Variants in FLI1 observed in about 807,000 individuals in gnomAD.
FLI1 encodes the protein Friend leukemia integration 1 transcription factor.
A neutral mutation model predicts 53.1 loss-of-function variants in FLI1; 13 were observed. The ratio of observed to expected loss-of-function variants is 0.24; its 90% CI spans 0.16 to 0.39. FLI1 has a LOEUF of 0.39. Among genes scored for constraint, FLI1 ranks in the 10% least tolerant of loss-of-function variants. FLI1 has a pLI of 1.00. For missense variants in FLI1, 424 were observed against 600.5 expected (o/e 0.71, Z 3.07); for synonymous variants, 244 against 236.7 (o/e 1.03, Z -0.28).
chr11:128,750,107 G>A (rs746619054), intron 1 of FLI1, among the ~76,000 whole-genome samples: 4 of 152,212 alleles, frequency 2.6e-5, no homozygotes, highest in Non-Finnish European at 2.9e-5. Flanking sequence ...GCCAAAACTA[G>A]CGTGCTCCCT....
At chr11:128,757,045 TTTCTTTCTTTCTTTC>T (rs1365219760) in intron 1 of FLI1, among the ~76,000 whole-genome samples, 42 of 15,660 alleles carry the variant, frequency 2.7e-3, no homozygotes, top group African/African-American at 7.8e-3. Flanking sequence ...TAGCTAATTT[TTTCTTTCTTTCTTTC>T]TTTCTTTCTT....
chr11:128,724,914 T>C (rs1176842534), intron 1 of FLI1, among the ~76,000 whole-genome samples: 1 of 152,180 alleles, frequency 6.6e-6, no homozygotes, highest in Non-Finnish European at 1.5e-5. Flanking sequence ...TGATTAAGCC[T>C]GCAGAGAATG....
chr11:128,787,156 T>C (rs1352491153), intron 5 of FLI1, among the ~76,000 whole-genome samples: 2 of 151,946 alleles, frequency 1.3e-5, no homozygotes, highest in African/African-American at 4.8e-5. Context: ...TCCAGGAGAG[T>C]CCTAGGTGGC....
chr11:128,694,444 C>A (rs1201151352), intron 1 of FLI1, among the ~76,000 whole-genome samples, 168 bp downstream of exon 1: 1 of 113,718 alleles, frequency 8.8e-6, no homozygotes, highest in African/African-American at 3.5e-5. Flanking sequence ...GTCCTACTCG[C>A]GGGCCAGCCG....
chr11:128,784,698 A>G lies in FLI1; in HGVS notation c.655+2675A>G, dbSNP rs564753918. ...ACAAAGCTAAGCAAGCCCTCCCTCT[A>G]TCCTCCCTGCCTCCTCCCCACCTCT... is the stretch of plus-strand genomic sequence containing the variant. On this transcript the variant is annotated intron_variant, in intron 5 of 8. Transcript: ENST00000527786. Among the ~76,000 whole-genome samples, 4 of 151,384 alleles carry G rather than the reference A, an allele frequency of 2.6e-5. No individual in the cohort carries two copies. In the South Asian group the frequency reaches 8.3e-4, roughly 31 times the overall value.
intron 2 of FLI1, chr11:128,764,734 G>C (rs938492970): frequency 6.4e-7 from 1 of 1,572,438 alleles, no homozygotes; most frequent in African/African-American, 1.3e-5. Context: ...GAGCCCCATG[G>C]CCGCACGCAG....
intron 1 of FLI1, among the ~76,000 whole-genome samples, chr11:128,752,442 T>C (rs684894): frequency 0.05 from 7,652 of 152,270 alleles, 286 homozygotes; most frequent in Non-Finnish European, 0.075. Context: ...ACTAGATGCG[T>C]AATGAGCAGC....
Position 128,812,542 on chromosome 11 carries a change from G to A in FLI1, c.*1554G>A. 1 of 224,624 alleles carries A rather than the reference G, an allele frequency of 4.5e-6. No individual in the cohort carries two copies. The highest frequency in any genetic ancestry group is 6.5e-5 in the East Asian group (1 of 15,486). The allele number at this position is 224,624 out of a possible 1,614,324, so 13.9% of individuals were successfully genotyped here. A position where few individuals can be genotyped will look rare whatever the true frequency, so the allele number is the denominator to read the frequency against. On this transcript the variant is annotated 3_prime_UTR_variant, in exon 9 of 9. Coordinates refer to ENST00000527786, the MANE Select transcript of FLI1 (RefSeq NM_002017.5). Reference sequence around the variant, plus strand: ...ATGTACCTACTGCAGTACAGCAGAAGGTAAAAAATCAGTGTGGTTTTTCAT... The same window carrying A: ...ATGTACCTACTGCAGTACAGCAGAAAGTAAAAAATCAGTGTGGTTTTTCAT...
chr11:128,703,344 T>C (rs539113998), intron 1 of FLI1, among the ~76,000 whole-genome samples: 1 of 152,322 alleles, frequency 6.6e-6, no homozygotes, highest in South Asian at 2.1e-4. Context: ...CAGATATATG[T>C]ACAATGTGTT....
chr11:128,729,427 G>C (rs904900259), intron 1 of FLI1, among the ~76,000 whole-genome samples: 1 of 152,200 alleles, frequency 6.6e-6, no homozygotes, highest in African/African-American at 2.4e-5. Flanking sequence ...CACAGGCTTT[G>C]GCCTCTGCCA....
At chr11:128,809,490 T>C (rs1942881275) in intron 8 of FLI1, among the ~76,000 whole-genome samples, 1 of 152,138 alleles carries the variant, frequency 6.6e-6, no homozygotes, top group African/African-American at 2.4e-5. Flanking sequence ...AGGTAGGCGT[T>C]TCAATCAGAG....
intron 1 of FLI1, among the ~76,000 whole-genome samples, chr11:128,744,117 T>C (rs1483639777): frequency 6.6e-6 from 1 of 152,144 alleles, no homozygotes; most frequent in African/African-American, 2.4e-5. Context: ...AGAGCAAAGA[T>C]GACAATCAAT....
At chr11:128,688,356 T>C (rs1937618296) in intron 1 of FLI1, among the ~76,000 whole-genome samples, 1 of 152,122 alleles carries the variant, frequency 6.6e-6, no homozygotes, top group Admixed American at 6.5e-5. Context: ...GAAAAATGGA[T>C]TTTTCAGCAG....
chr11:128,688,817 G>T (rs532525203), intron 1 of FLI1, among the ~76,000 whole-genome samples: 40 of 152,168 alleles, frequency 2.6e-4, no homozygotes, highest in Non-Finnish European at 3.5e-4. Context: ...TAACCGCAAC[G>T]ACATTCATAG....
chr11:128,810,685 C>T lies in FLI1; in HGVS notation c.1056C>T (p.His352=), dbSNP rs371530389. 6.2e-6 allele frequency: 10 copies of T among 1,613,900 alleles called. No homozygotes were observed. In the African/African-American group the frequency reaches 6.7e-5, roughly 11 times the overall value. ...YYDKNIMTKV[H]GKRYAYKFDF... is the part of the protein sequence containing the mutation. Reference sequence around the variant, plus strand: ...ATAAAAACATTATGACCAAAGTGCACGGCAAAAGATATGCTTACAAATTTG... The same window carrying T: ...ATAAAAACATTATGACCAAAGTGCATGGCAAAAGATATGCTTACAAATTTG... The change falls in exon 9 of 9, where the codon CAC becomes CAT. Residue 352 remains histidine, a synonymous_variant. Transcript: ENST00000527786. This position sits in a 1 kb window ranked among gnomAD's most constrained non-coding sequence, Gnocchi z 6.6.
intron 1 of FLI1, among the ~76,000 whole-genome samples, chr11:128,712,027 C>T (rs917020913): frequency 5.3e-5 from 8 of 152,208 alleles, no homozygotes; most frequent in South Asian, 2.1e-4. Flanking sequence ...ACAGTTTGGT[C>T]GTTTGTCCTC....
chr11:128,807,026 G>T, intron 6 of FLI1, 154 bp from the exon 7 acceptor site: 1 of 436,724 alleles, frequency 2.3e-6, no homozygotes, highest in East Asian at 3.5e-5. Context: ...CCAGCACATA[G>T]TAGATTCTAG....
chr11:128,780,466 A>ATGGG (rs1941878574), intron 4 of FLI1, among the ~76,000 whole-genome samples: 1 of 152,214 alleles, frequency 6.6e-6, no homozygotes, highest in Non-Finnish European at 1.5e-5. Context: ...ATGGTGGCAC[A>ATGGG]TGCCTGTAAT....
At chr11:128,748,224 T>C (rs996890325) in intron 1 of FLI1, 1 of 978,704 alleles carries the variant, frequency 1.0e-6, no homozygotes, top group Non-Finnish European at 1.2e-6. Context: ...ATAATTGCAA[T>C]TGCATCTTCT....
Sources: gnomAD v4.1 joint callset for allele counts (sites outside exome capture counted in the v4.1 genomes callset) on GRCh38, gnomAD v4.1.1 for gene constraint, Gnocchi (gnomAD v3.1) non-coding constraint, MANE v1.5 for transcripts, NCBI Gene and HGNC (gene_info 2026-07-23, HGNC 2026-07-21) for gene names.